JARID2: variants seen among roughly 807,000 people sequenced by gnomAD.
The protein encoded by JARID2 is protein Jumonji.
Under a neutral mutation model 125.6 loss-of-function variants are expected in JARID2, and 21 were observed. That is an observed-to-expected ratio of 0.17 (90% CI 0.12 to 0.24). The LOEUF (loss-of-function observed/expected upper bound fraction) is 0.24, where lower values mean the gene tolerates loss of function less well. Ranked by LOEUF, JARID2 falls within the 10% of genes least tolerant of loss-of-function variation. The pLI is 1.00. For synonymous variants in JARID2, 736 were observed against 661.6 expected, an observed-to-expected ratio of 1.11 and a Z score of -1.73; for missense variants, 1,303 against 1,639.6, an observed-to-expected ratio of 0.79 and a Z score of 3.55.
In JARID2 at chr6:15,319,999, G is replaced by A. The variant is rs146909646; in HGVS notation, c.46-54118G>A. ...TTCAGCCATACGCTTGTTAGGGAGTGTATCTATGTAAATACAAGTAATTTT... is the reference window on the plus strand; with the variant it reads ...TTCAGCCATACGCTTGTTAGGGAGTATATCTATGTAAATACAAGTAATTTT... On this transcript the variant is annotated intron_variant, in intron 1 of 17. Coordinates refer to ENST00000341776, the MANE Select transcript of JARID2 (RefSeq NM_004973.4). Among the ~76,000 whole-genome samples, 28 of 152,326 alleles carry A rather than the reference G, an allele frequency of 1.8e-4. No individual in the cohort carries two copies. In the East Asian group the frequency reaches 5.2e-3, roughly 28 times the overall value.
At position 15,382,021 on chromosome 6, in the gene JARID2, C is replaced by T. The variant is rs568813989; in HGVS notation, c.181+7769C>T. On this transcript the variant is annotated intron_variant, in intron 2 of 17. Transcript: ENST00000341776. ...AAATGGGGCTGGGTACTGTGGCTCA[C>T]GCCTGTAATCCCAGCACTTTGGGAG... Among the ~76,000 whole-genome samples, 16 of 152,340 alleles carry T rather than the reference C, an allele frequency of 1.1e-4. No individual in the cohort carries two copies. In the South Asian group the frequency reaches 3.1e-3, roughly 30 times the overall value.
intron 1 of JARID2, among the ~76,000 whole-genome samples, chr6:15,296,013 C>G (rs765257422): frequency 6.6e-5 from 10 of 152,232 alleles, no homozygotes; most frequent in Non-Finnish European, 1.0e-4. Flanking sequence ...AGACCAAGGA[C>G]TACACCTGTC....
At chr6:15,257,099 G>A (rs1224408225) in intron 1 of JARID2, among the ~76,000 whole-genome samples, 1 of 152,154 alleles carries the variant, frequency 6.6e-6, no homozygotes, top group Non-Finnish European at 1.5e-5. Context: ...ATGAAATCCA[G>A]GTCCTGATAC....
At chr6:15,265,748 A>G (rs1760060655) in intron 1 of JARID2, among the ~76,000 whole-genome samples, 1 of 152,148 alleles carries the variant, frequency 6.6e-6, no homozygotes, top group Non-Finnish European at 1.5e-5. Flanking sequence ...GAGCCCGGGC[A>G]GCATGTTCAC....
intron 3 of JARID2, among the ~76,000 whole-genome samples, chr6:15,442,192 A>G (rs1441546891): frequency 2.0e-5 from 3 of 151,688 alleles, no homozygotes; most frequent in Non-Finnish European, 4.4e-5. Flanking sequence ...CATTGCCAGG[A>G]GAGTTCTGGC....
At chr6:15,312,369 AAAAACCAATCT>A (rs1331418812) in intron 1 of JARID2, among the ~76,000 whole-genome samples, 2 of 152,168 alleles carry the variant, frequency 1.3e-5, no homozygotes, top group African/African-American at 4.8e-5. Context: ...TGGATTTTTA[AAAAACCAATCT>A]TATTGAAGTA....
chr6:15,507,160 G>GA lies in JARID2; in HGVS notation c.2567dup (p.Lys857GlufsTer42). On this transcript the variant is annotated frameshift_variant, in exon 10 of 18. Coordinates refer to ENST00000341776, the MANE Select transcript of JARID2 (RefSeq NM_004973.4). LOFTEE classifies it high-confidence loss of function. ...GCAAGAGTACTGGAGGCTAGTGGAA[G>GA]AGAAGGACTGCCACGTGGCAGTGCA... The GA allele has an allele frequency of 6.2e-7, 1 of 1,613,140 alleles. No homozygotes were observed.
At chr6:15,515,655 G>A (rs1342632125) in intron 16 of JARID2, among the ~76,000 whole-genome samples, 2 of 150,704 alleles carry the variant, frequency 1.3e-5, no homozygotes, top group South Asian at 2.1e-4. Context: ...GTGTGGTGGC[G>A]GGGGTATCAC....
intron 1 of JARID2, among the ~76,000 whole-genome samples, chr6:15,253,912 GT>G (rs1463315901): frequency 2.6e-5 from 4 of 152,246 alleles, no homozygotes; most frequent in African/African-American, 9.6e-5. Context: ...CAGTCAGATG[GT>G]TAGTTTTCTG....
intron 5 of JARID2, among the ~76,000 whole-genome samples, chr6:15,479,330 C>G (rs1225242458): frequency 1.3e-5 from 2 of 152,050 alleles, no homozygotes; most frequent in Non-Finnish European, 2.9e-5. Flanking sequence ...TTCTGTTGTC[C>G]TGACCTTTAT....
At chr6:15,455,095 G>C (rs1050128268) in intron 4 of JARID2, among the ~76,000 whole-genome samples, 1 of 151,766 alleles carries the variant, frequency 6.6e-6, no homozygotes, top group Non-Finnish European at 1.5e-5. Flanking sequence ...TGTGGAGGCT[G>C]ACACGGTGGA....
At chr6:15,309,394 C>T (rs1186582168) in intron 1 of JARID2, among the ~76,000 whole-genome samples, 1 of 151,910 alleles carries the variant, frequency 6.6e-6, no homozygotes, top group East Asian at 1.9e-4. Flanking sequence ...CACTCAGCCA[C>T]CCTGCTTCTA....
intron 1 of JARID2, among the ~76,000 whole-genome samples, chr6:15,256,191 C>T (rs1759658053): frequency 6.6e-6 from 1 of 152,288 alleles, no homozygotes; most frequent in East Asian, 1.9e-4. Context: ...GGCGGCCTTC[C>T]TAGCTGACTC....
intron 3 of JARID2, among the ~76,000 whole-genome samples, chr6:15,443,544 TGTTTTACTGGCA>T (rs1767535710): frequency 1.3e-5 from 2 of 152,228 alleles, no homozygotes; most frequent in South Asian, 4.1e-4. Context: ...TATATTTTGC[TGTTTTACTGGCA>T]GTTAGAAAGT....
intron 4 of JARID2, among the ~76,000 whole-genome samples, chr6:15,456,157 T>C (rs1333887039): frequency 6.6e-6 from 1 of 152,094 alleles, no homozygotes; most frequent in Non-Finnish European, 1.5e-5. Flanking sequence ...CATGTACTTG[T>C]GCGTGCACTA....
intron 1 of JARID2, among the ~76,000 whole-genome samples, chr6:15,299,349 G>A (rs901104288): frequency 2.0e-5 from 3 of 152,146 alleles, no homozygotes; most frequent in African/African-American, 7.2e-5. Flanking sequence ...TACAACAGAG[G>A]TGTGTTTGGT....
At chr6:15,282,565 T>C (rs1760795913) in intron 1 of JARID2, among the ~76,000 whole-genome samples, 1 of 151,106 alleles carries the variant, frequency 6.6e-6, no homozygotes, top group Non-Finnish European at 1.5e-5. Flanking sequence ...TGTCTTTCTC[T>C]CTTTCTCTTT....
intron 1 of JARID2, among the ~76,000 whole-genome samples, chr6:15,260,240 A>C (rs1237921575): frequency 2.0e-5 from 3 of 152,142 alleles, no homozygotes; most frequent in Non-Finnish European, 4.4e-5. Context: ...TGGATTTAAT[A>C]GTGAACTTCT....
At chr6:15,349,505 T>C (rs1445150372) in intron 1 of JARID2, among the ~76,000 whole-genome samples, 2 of 152,154 alleles carry the variant, frequency 1.3e-5, no homozygotes, top group Non-Finnish European at 2.9e-5. Context: ...ACAGTACAAA[T>C]TAAAGTGCAC....
Sources: gnomAD v4.1 joint callset for allele counts (sites outside exome capture counted in the v4.1 genomes callset) on GRCh38, gnomAD v4.1.1 for gene constraint, MANE v1.5 for transcripts, NCBI Gene and HGNC (gene_info 2026-07-23, HGNC 2026-07-21) for gene names.